The following CCND3 variants were observed in gnomAD, a reference collection of about 807,000 sequenced individuals.
CCND3 encodes cyclin D3.
In CCND3, 9 loss-of-function variants were observed where a neutral mutation model predicts 28.7. The observed-to-expected ratio is 0.31, with a 90% CI of 0.19 to 0.55. The LOEUF is 0.55. Ranked by LOEUF, CCND3 falls within the 20% of genes least tolerant of loss-of-function variation. CCND3 has a pLI of 0.93. For missense variants in CCND3, 315 were observed against 385.8 expected (o/e 0.82, Z 1.54); for synonymous variants, 164 against 163.9 (o/e 1.00, Z 0.00).
intron 1 of CCND3, among the ~76,000 whole-genome samples, chr6:42,020,337 T>C (rs1276520620): frequency 6.6e-6 from 1 of 152,216 alleles, no homozygotes; most frequent in Non-Finnish European, 1.5e-5. Flanking sequence ...AATAAATGAA[T>C]GCACGTTTCC....
At position 41,974,212 on chromosome 6, in the gene CCND3, A is replaced by T. The variant is rs147192091; in HGVS notation, c.-45-33627T>A. On this transcript the variant is annotated intron_variant, in intron 1 of 4. Coordinates refer to the CCND3 transcript ENST00000372988. ...AAACAAAACAAAACAAAACAAGAAC[A>T]GTGCCTAGCACAACTCATGTGATAC... is the stretch of plus-strand genomic sequence containing the variant. Among the ~76,000 whole-genome samples, 169 of 152,244 alleles carry T rather than the reference A, an allele frequency of 1.1e-3. 1 individual carries two copies. Among genetic ancestry groups the T allele is most frequent in the Middle Eastern group, 0.01 (3 of 292 alleles).
chr6:42,016,763 T>G (rs1763529879), intron 1 of CCND3, among the ~76,000 whole-genome samples: 1 of 152,008 alleles, frequency 6.6e-6, no homozygotes, highest in Non-Finnish European at 1.5e-5. Flanking sequence ...TTTTGTATTT[T>G]TAGTAGAGAC....
chr6:41,989,950 C>A (rs1762602607), intron 1 of CCND3, among the ~76,000 whole-genome samples: 2 of 151,656 alleles, frequency 1.3e-5, no homozygotes, highest in Admixed American at 1.3e-4. Context: ...GAATGGATAC[C>A]AAAGCCAGAG....
intron 1 of CCND3, among the ~76,000 whole-genome samples, chr6:41,952,290 C>A (rs908389315): frequency 2.0e-5 from 3 of 152,172 alleles, no homozygotes; most frequent in African/African-American, 7.2e-5. Flanking sequence ...AAATAATTTA[C>A]CTGAGAGGCG....
At chr6:42,030,072 T>C (rs557503633) in intron 1 of CCND3, 3 of 152,378 alleles carry the variant, frequency 2.0e-5, no homozygotes, top group East Asian at 1.9e-4. Flanking sequence ...AGCTCAGGAA[T>C]ACAGGTGTGT....
chr6:41,946,401 G>A (rs369455445), upstream of CCND3, among the ~76,000 whole-genome samples: 13 of 150,822 alleles, frequency 8.6e-5, no homozygotes, highest in East Asian at 5.9e-4. Flanking sequence ...GTTTGAGACC[G>A]CCTGGCCAAC....
chr6:41,959,423 G>A (rs1761641131), intron 1 of CCND3, among the ~76,000 whole-genome samples: 1 of 152,156 alleles, frequency 6.6e-6, no homozygotes. Context: ...GCTCACGCCT[G>A]TGAGCCAGGC....
At chr6:42,000,093 G>A (rs2127420784) in intron 1 of CCND3, among the ~76,000 whole-genome samples, 1 of 150,942 alleles carries the variant, frequency 6.6e-6, no homozygotes, top group Middle Eastern at 3.4e-3. Context: ...TTCTTTTCAA[G>A]GTACAAATTT....
rs1582202567 is a variant in CCND3 at position 42,048,939 on chromosome 6, C to A, written c.-484G>T. 1 of 212,418 alleles carries A rather than the reference C, an allele frequency of 4.7e-6. No homozygotes were observed. Among genetic ancestry groups the A allele is most frequent in the South Asian group, 6.5e-5 (1 of 15,452 alleles). The allele number at this position is 212,418 out of a possible 1,614,324, so 13.2% of individuals were successfully genotyped here. A position where few individuals can be genotyped will look rare whatever the true frequency, so the allele number is the denominator to read the frequency against. On this transcript the variant is annotated 5_prime_UTR_variant, in exon 1 of 5. Coordinates refer to the CCND3 transcript ENST00000372988. This position sits in a 1 kb window ranked among gnomAD's most constrained non-coding sequence, Gnocchi z 4.7. ...GAGGCTCAGGTGTGGGCGGCGGGGC[C>A]GGGGCAGCACGGGTTCCCGGACCGC... is the stretch of plus-strand genomic sequence containing the variant.
intron 1 of CCND3, among the ~76,000 whole-genome samples, chr6:41,972,241 A>AG (rs1762054658): frequency 1.5e-4 from 1 of 6,724 alleles, no homozygotes; most frequent in African/African-American, 4.5e-4. Context: ...AAAAAAAAAA[A>AG]AAAGAAAAGA....
intron 1 of CCND3, among the ~76,000 whole-genome samples, chr6:41,962,073 C>CTG (rs1297189933): frequency 2.6e-5 from 4 of 152,190 alleles, no homozygotes; most frequent in Non-Finnish European, 5.9e-5. Context: ...CATCTCTAAC[C>CTG]TGTGCTCCCC....
rs536413655 is a variant in CCND3, at chr6:42,047,764, T to A, written c.-46+737A>T. ...ACAGCTGGGGTTCAATCCAGTTCTG[T>A]GGAATAAGTGCCCCCAAAGACTTCT... On this transcript the variant is annotated intron_variant, in intron 1 of 4. Coordinates refer to the CCND3 transcript ENST00000372988. Among the ~76,000 whole-genome samples, 13 of 152,328 alleles carry A rather than the reference T, an allele frequency of 8.5e-5. No homozygotes were observed. The South Asian group carries it at 2.7e-3, about 32-fold the overall frequency.
At position 41,981,272 on chromosome 6, in the gene CCND3, C is replaced by A. The variant is rs906508694; in HGVS notation, c.-45-40687G>T. 1.3e-5 allele frequency among the ~76,000 whole-genome samples: 2 copies of A among 152,042 alleles called. 1 individual carries two copies. The highest frequency in any genetic ancestry group is 4.1e-4 in the South Asian group (2 of 4,832). ...CCAGGCTGGAGTGCATCGGTGCGAT[C>A]TCTGCTCACTGCAACCTCCGCCTCC... On this transcript the variant is annotated intron_variant, in intron 1 of 4. Coordinates refer to the CCND3 transcript ENST00000372988.
At chr6:42,006,490 G>A (rs916958885) in intron 1 of CCND3, among the ~76,000 whole-genome samples, 8 of 151,864 alleles carry the variant, frequency 5.3e-5, no homozygotes, top group Admixed American at 5.3e-4. Context: ...TTAAATTGGA[G>A]GCTCTAGCAA....
At chr6:42,044,145 C>G (rs1182299175) in intron 1 of CCND3, among the ~76,000 whole-genome samples, 2 of 152,256 alleles carry the variant, frequency 1.3e-5, no homozygotes, top group African/African-American at 4.8e-5. Context: ...AAATCCCTGA[C>G]CTGGGGACGG....
intron 1 of CCND3, among the ~76,000 whole-genome samples, chr6:41,956,295 AAAAAT>A (rs529734971): frequency 4.6e-5 from 7 of 152,064 alleles, no homozygotes; most frequent in African/African-American, 9.7e-5. Context: ...CCTTCTCAAA[AAAAAT>A]AAAATAAAAT....
chr6:41,979,450 CA>C (rs1348975434), intron 1 of CCND3, among the ~76,000 whole-genome samples: 7 of 148,890 alleles, frequency 4.7e-5, no homozygotes, highest in Non-Finnish European at 1.0e-4. Context: ...AGGAGAATGG[CA>C]TGAACCTGGG....
Position 41,939,738 on chromosome 6 carries a change from A to G in CCND3, c.414+632T>C, listed in dbSNP as rs887990004. Among the ~76,000 whole-genome samples the G allele has an allele frequency of 2.0e-5, 3 of 152,154 alleles. No homozygotes were observed. Among genetic ancestry groups the G allele is most frequent in the Admixed American group, 2.0e-4 (3 of 15,282 alleles). On this transcript the variant is annotated intron_variant, in intron 2 of 4. Coordinates refer to ENST00000372991, the MANE Select transcript of CCND3 (RefSeq NM_001760.5). The surrounding 1 kb of genome is among the most constrained non-coding windows in gnomAD (Gnocchi z 4.2). Reference sequence around the variant, plus strand: ...GGGGGAAGAGGGAGCTGTTTCCACCAGGCCCAAAGCAGCTGCTCCAGTTCC... The same window carrying G: ...GGGGGAAGAGGGAGCTGTTTCCACCGGGCCCAAAGCAGCTGCTCCAGTTCC...
chr6:42,032,602 A>C (rs1315369371), intron 1 of CCND3, among the ~76,000 whole-genome samples: 2 of 152,218 alleles, frequency 1.3e-5, no homozygotes, highest in African/African-American at 4.8e-5. Flanking sequence ...ACTCACAGTG[A>C]GGTATCTTTT....
Sources: gnomAD v4.1 joint callset for allele counts (sites outside exome capture counted in the v4.1 genomes callset) on GRCh38, gnomAD v4.1.1 for gene constraint, Gnocchi (gnomAD v3.1) non-coding constraint, MANE v1.5 for transcripts, NCBI Gene and HGNC (gene_info 2026-07-23, HGNC 2026-07-21) for gene names.